Variants in TP73 observed in about 807,000 individuals in gnomAD.
TP73 encodes tumor protein p73, also known as p53-like transcription factor.
Under a neutral mutation model 62.5 loss-of-function variants are expected in TP73, and 25 were observed. The observed-to-expected ratio is 0.40, with a 90% CI of 0.29 to 0.56. The LOEUF is 0.56. Among genes scored for constraint, TP73 ranks in the 20% least tolerant of loss-of-function variants. The probability of loss-of-function intolerance (pLI) is 0.46; values close to 1 mark genes in which losing one functional copy is unlikely to be tolerated. For synonymous variants in TP73, 423 were observed against 377.5 expected, an observed-to-expected ratio of 1.12 and a Z score of -1.40; for missense variants, 754 against 913.3, an observed-to-expected ratio of 0.83 and a Z score of 2.25.
intron 6 of TP73, among the ~76,000 whole-genome samples, chr1:3,725,858 A>AGTCG (rs1553146321): frequency 3.9e-4 from 2 of 5,168 alleles, no homozygotes; most frequent in Non-Finnish European, 7.1e-4. Flanking sequence ...GGATGGATGG[A>AGTCG]GTGGGTGGGT....
intron 4 of TP73, among the ~76,000 whole-genome samples, chr1:3,718,786 T>A (rs762294868): frequency 6.6e-6 from 1 of 152,134 alleles, no homozygotes; most frequent in African/African-American, 2.4e-5. Context: ...TCTCAGGCCA[T>A]GGGCTGTGGC....
intron 3 of TP73, among the ~76,000 whole-genome samples, chr1:3,695,970 T>C (rs1048261697): frequency 2.6e-5 from 4 of 152,212 alleles, no homozygotes; most frequent in Non-Finnish European, 5.9e-5. Context: ...CTGAGATTGG[T>C]AGAACTGCAG....
chr1:3,714,391 G>C (rs1057436712), intron 4 of TP73: 1 of 152,276 alleles, frequency 6.6e-6, no homozygotes, highest in Non-Finnish European at 1.5e-5. Flanking sequence ...TGACAAAGCC[G>C]GGCCTCAAAA....
In TP73 at chr1:3,728,152, GT is replaced by G; in HGVS notation, c.1010del (p.Val337AlafsTer8). On this transcript the variant is annotated frameshift_variant, in exon 9 of 14. Coordinates refer to ENST00000378295, the MANE Select transcript of TP73 (RefSeq NM_005427.4). LOFTEE classifies it high-confidence loss of function. Reference sequence around the variant, plus strand: ...AGCCTTCAAGCAGAGCCCCCCTGCCGTCCCCGCCCTTGGTGCCGGTGTGAAG... The same window carrying G: ...AGCCTTCAAGCAGAGCCCCCCTGCCGCCCCGCCCTTGGTGCCGGTGTGAAG... ...KRAFKQSPPAVPALGAGVKKR... is the reference protein window; with the variant it reads ...KRAFKQSPPAXPALGAGVKKR... 1 of 1,611,560 alleles carries G rather than the reference GT, an allele frequency of 6.2e-7. No homozygotes were observed. The highest frequency in any genetic ancestry group is 8.5e-7 in the Non-Finnish European group (1 of 1,179,948).
intron 3 of TP73, among the ~76,000 whole-genome samples, chr1:3,686,693 C>T (rs560306712): frequency 6.2e-4 from 94 of 152,272 alleles, no homozygotes; most frequent in East Asian, 2.1e-3. Context: ...AAACAGACCC[C>T]GTGGTCACTG....
At chr1:3,704,883 C>T (rs957858410) in intron 3 of TP73, among the ~76,000 whole-genome samples, 1 of 152,214 alleles carries the variant, frequency 6.6e-6, no homozygotes, top group African/African-American at 2.4e-5. Flanking sequence ...TGGCAGCTCG[C>T]CGGTGCCCAG....
At chr1:3,728,326 C>A in intron 9 of TP73, 109 bp downstream of exon 9, 1 of 1,143,174 alleles carries the variant, frequency 8.7e-7, no homozygotes, top group Non-Finnish European at 1.3e-6. Flanking sequence ...GTGGAGGGGG[C>A]GGGAGGAGCC....
At chr1:3,664,071 A>T (rs1179664711) in intron 1 of TP73, among the ~76,000 whole-genome samples, 2 of 152,196 alleles carry the variant, frequency 1.3e-5, no homozygotes, top group Non-Finnish European at 2.9e-5. Flanking sequence ...ACCACACCTG[A>T]GAACCCCCAA....
chr1:3,690,682 A>G (rs1365228031), intron 3 of TP73: 1 of 1,412,890 alleles, frequency 7.1e-7, no homozygotes. Flanking sequence ...GGATTCAGCC[A>G]GTTGACAGAA....
At chr1:3,678,741 C>T (rs1328844140) in intron 1 of TP73, among the ~76,000 whole-genome samples, 1 of 152,088 alleles carries the variant, frequency 6.6e-6, no homozygotes, top group East Asian at 1.9e-4. Flanking sequence ...GTCCCAGGCT[C>T]TTCATGACTC....
intron 3 of TP73, among the ~76,000 whole-genome samples, chr1:3,684,261 AT>A (rs932434929): frequency 1.3e-5 from 2 of 152,182 alleles, no homozygotes; most frequent in African/African-American, 4.8e-5. Context: ...TAGGTGGGGA[AT>A]TTGTTTGCGC....
intron 4 of TP73, among the ~76,000 whole-genome samples, chr1:3,711,740 C>T (rs1640157082): frequency 6.6e-6 from 1 of 152,244 alleles, no homozygotes; most frequent in Non-Finnish European, 1.5e-5. Flanking sequence ...GTGCGATGGC[C>T]AGCTGCCCCA....
intron 1 of TP73, among the ~76,000 whole-genome samples, chr1:3,654,304 C>T (rs968044156): frequency 3.9e-5 from 6 of 152,170 alleles, no homozygotes; most frequent in African/African-American, 1.4e-4. Context: ...GCGCGGCGGC[C>T]ACCAGAGAAT....
intron 3 of TP73, among the ~76,000 whole-genome samples, chr1:3,687,927 G>A (rs1478845187): frequency 8.5e-5 from 13 of 152,180 alleles, no homozygotes; most frequent in Admixed American, 8.5e-4. Flanking sequence ...GACACTTGGG[G>A]GCTTGAGACC....
intron 1 of TP73, among the ~76,000 whole-genome samples, chr1:3,658,059 C>T (rs1300389784): frequency 2.6e-5 from 4 of 152,170 alleles, no homozygotes; most frequent in East Asian, 3.9e-4. Context: ...AGAGAGGAGA[C>T]GCCGTCCCAG....
intron 7 of TP73, 115 bp downstream of exon 7, chr1:3,727,339 T>C (rs1462367322): frequency 9.0e-7 from 1 of 1,107,370 alleles, no homozygotes; most frequent in Non-Finnish European, 1.3e-6. Flanking sequence ...GAAGAGACTT[T>C]GGGGTGTGCT....
chr1:3,718,830 C>T (rs1640829323), intron 4 of TP73, among the ~76,000 whole-genome samples: 1 of 152,262 alleles, frequency 6.6e-6, no homozygotes, highest in Admixed American at 6.5e-5. Context: ...GGACTCAGCC[C>T]CGGAAAGGGA....
Position 3,673,764 on chromosome 1 carries a change from C to T in TP73, c.-33-8569C>T, listed in dbSNP as rs1645297602. 1.3e-5 allele frequency among the ~76,000 whole-genome samples: 2 copies of T among 152,168 alleles called. 1 individual carries two copies. Among genetic ancestry groups the T allele is most frequent in the South Asian group, 4.1e-4 (2 of 4,830 alleles). ...GCAGGCAGCAGAGGACAAGGCGGGC[C>T]TCTTGGATGTCTGGATGTGGATTGG... On this transcript the variant is annotated intron_variant, in intron 1 of 13. Coordinates refer to ENST00000378295, the MANE Select transcript of TP73 (RefSeq NM_005427.4).
At position 3,699,026 on chromosome 1, in the gene TP73, CGGGTGAGAGCAGAGGGTGCTGT is replaced by C. The variant is rs1396411755; in HGVS notation, c.187-8511_187-8490del. Among the ~76,000 whole-genome samples, 1 of 148,488 alleles carries C rather than the reference CGGGTGAGAGCAGAGGGTGCTGT, an allele frequency of 6.7e-6. No homozygotes were observed. Among genetic ancestry groups the C allele is most frequent in the African/African-American group, 2.6e-5 (1 of 38,032 alleles). Reference sequence around the variant, plus strand: ...ATTGGGCAAGGCCTCGCCTCAGCCCCGGGTGAGAGCAGAGGGTGCTGTGGGTGAGAGCACAGGGTGCTGTGGG... The same window carrying C: ...ATTGGGCAAGGCCTCGCCTCAGCCCCGGGTGAGAGCACAGGGTGCTGTGGG... On this transcript the variant is annotated intron_variant, in intron 3 of 13. Coordinates refer to ENST00000378295, the MANE Select transcript of TP73 (RefSeq NM_005427.4). This position sits in a 1 kb window ranked among gnomAD's most constrained non-coding sequence, Gnocchi z 4.1.
Sources: allele counts gnomAD v4.1 joint callset (sites outside exome capture counted in the v4.1 genomes callset), GRCh38; gene constraint gnomAD v4.1.1; non-coding constraint Gnocchi (gnomAD v3.1); transcripts MANE v1.5; gene names NCBI Gene and HGNC (gene_info 2026-07-23, HGNC 2026-07-21).